GPC5: variants seen among roughly 807,000 people sequenced by gnomAD.
GPC5 encodes glypican-5.
In GPC5, 47 loss-of-function variants were observed where a neutral mutation model predicts 53.9. The observed-to-expected ratio is 0.87, with a 90% CI of 0.69 to 1.11. The LOEUF (loss-of-function observed/expected upper bound fraction) is 1.11, where lower values mean the gene tolerates loss of function less well. Ranked by LOEUF, GPC5 falls within the 50% of genes most tolerant of loss-of-function variation. GPC5 has a pLI of 0.00. For missense variants in GPC5, 748 were observed against 713.1 expected, an observed-to-expected ratio of 1.05 and a Z score of -0.56; for synonymous variants, 286 against 263.3, an observed-to-expected ratio of 1.09 and a Z score of -0.84.
Position 92,236,942 on chromosome 13 carries a change from A to G in GPC5, c.1561+91953A>G, listed in dbSNP as rs9301788. ...GCACTGTTTGGTTGTCATCTTATGC[A>G]TAATGTTATATAATTAGAGTGATAT... On this transcript the variant is annotated intron_variant, in intron 7 of 7. Coordinates refer to ENST00000377067, the MANE Select transcript of GPC5 (RefSeq NM_004466.6). Among the ~76,000 whole-genome samples the G allele has an allele frequency of 5.1e-3, 778 of 152,062 alleles. 10 individuals are homozygous for G. Among genetic ancestry groups the G allele is most frequent in the South Asian group, 0.039 (188 of 4,828 alleles).
chr13:92,828,171 C>G (rs2138817825), intron 7 of GPC5, among the ~76,000 whole-genome samples: 1 of 152,192 alleles, frequency 6.6e-6, no homozygotes, highest in Admixed American at 6.5e-5. Context: ...CCCCCCTCAC[C>G]CTATCTCCAA....
At chr13:92,793,722 A>T (rs529606041) in intron 7 of GPC5, among the ~76,000 whole-genome samples, 15 of 152,304 alleles carry the variant, frequency 9.8e-5, no homozygotes, top group Admixed American at 6.5e-4. Context: ...ATCCCACAGA[A>T]ATACAAACTA....
At chr13:92,862,341 A>G (rs1196622621) in intron 7 of GPC5, among the ~76,000 whole-genome samples, 1 of 152,146 alleles carries the variant, frequency 6.6e-6, no homozygotes, top group Non-Finnish European at 1.5e-5. Context: ...TTTGTAATAG[A>G]TATTTTTTGA....
At chr13:91,407,957 C>T (rs1240343560) in intron 1 of GPC5, among the ~76,000 whole-genome samples, 2 of 152,080 alleles carry the variant, frequency 1.3e-5, no homozygotes, top group Non-Finnish European at 2.9e-5. Context: ...TTACCACATA[C>T]AACATGATGG....
rs376203920 is a variant in GPC5, at chr13:92,603,424, T to C, written c.1562-262858T>C. On this transcript the variant is annotated intron_variant, in intron 7 of 7. Coordinates refer to ENST00000377067, the MANE Select transcript of GPC5 (RefSeq NM_004466.6). ...GAGGTTCTGAGCATTTTGTTTTGTT[T>C]TGGTTTGCTTTCACAAAAATTTACT... 7.9e-5 allele frequency among the ~76,000 whole-genome samples: 12 copies of C among 152,320 alleles called. No individual in the cohort carries two copies. In the South Asian group the frequency reaches 2.3e-3, roughly 29 times the overall value.
chr13:92,175,805 C>G (rs1359015636), intron 7 of GPC5, among the ~76,000 whole-genome samples: 1 of 152,050 alleles, frequency 6.6e-6, no homozygotes, highest in East Asian at 1.9e-4. Context: ...AAAAAAACAT[C>G]TCCCTACAGC....
intron 7 of GPC5, among the ~76,000 whole-genome samples, chr13:92,774,727 G>A (rs1250171807): frequency 1.3e-5 from 2 of 152,138 alleles, no homozygotes; most frequent in Non-Finnish European, 2.9e-5. Flanking sequence ...AAGACAAAAT[G>A]AACTTATGAA....
chr13:92,167,514 A>G (rs1402210695), intron 7 of GPC5, among the ~76,000 whole-genome samples: 1 of 152,230 alleles, frequency 6.6e-6, no homozygotes, highest in Non-Finnish European at 1.5e-5. Flanking sequence ...GTAACAATGT[A>G]TGAAGAGATA....
intron 7 of GPC5, among the ~76,000 whole-genome samples, chr13:92,157,758 T>C (rs974145197): frequency 3.9e-5 from 6 of 152,182 alleles, no homozygotes; most frequent in African/African-American, 1.4e-4. Context: ...TTTTGTGAAT[T>C]TATTCCCCTC....
At chr13:91,811,127 A>C (rs1286973153) in intron 5 of GPC5, among the ~76,000 whole-genome samples, 1 of 152,032 alleles carries the variant, frequency 6.6e-6, no homozygotes, top group Non-Finnish European at 1.5e-5. Context: ...TTACAATTTA[A>C]AAAATAGTCT....
intron 6 of GPC5, among the ~76,000 whole-genome samples, chr13:92,006,180 T>A (rs977128837): frequency 8.0e-6 from 1 of 124,806 alleles, no homozygotes; most frequent in African/African-American, 6.3e-5. Context: ...CAATATACAG[T>A]AAGTATTATC....
intron 6 of GPC5, among the ~76,000 whole-genome samples, chr13:91,985,995 T>C (rs2138725078): frequency 6.6e-6 from 1 of 152,022 alleles, no homozygotes; most frequent in African/African-American, 2.4e-5. Context: ...AGATGAAATT[T>C]ACTACACTAG....
intron 4 of GPC5, among the ~76,000 whole-genome samples, chr13:91,728,995 T>C (rs990202218): frequency 6.6e-6 from 1 of 152,190 alleles, no homozygotes; most frequent in African/African-American, 2.4e-5. Flanking sequence ...AAATTGTAAA[T>C]GTGGCTAGTG....
At chr13:92,465,285 A>G (rs1878646420) in intron 7 of GPC5, among the ~76,000 whole-genome samples, 1 of 151,946 alleles carries the variant, frequency 6.6e-6, no homozygotes, top group African/African-American at 2.4e-5. Context: ...CATTTTATGC[A>G]GCTATCCAAA....
intron 7 of GPC5, among the ~76,000 whole-genome samples, chr13:92,147,838 G>A (rs1184496192): frequency 1.3e-5 from 2 of 152,072 alleles, no homozygotes; most frequent in East Asian, 3.9e-4. Context: ...CTGAAGTAAA[G>A]AGGGACGAGG....
intron 7 of GPC5, among the ~76,000 whole-genome samples, chr13:92,463,529 A>ATGCCGTTTT (rs1878575752): frequency 6.6e-6 from 1 of 152,126 alleles, no homozygotes; most frequent in Non-Finnish European, 1.5e-5. Flanking sequence ...GGTTGCATGG[A>ATGCCGTTTT]ATTTTATTTC....
chr13:91,660,009 GAAA>G (rs1162160166), intron 2 of GPC5, among the ~76,000 whole-genome samples: 1 of 151,952 alleles, frequency 6.6e-6, no homozygotes, highest in African/African-American at 2.4e-5. Flanking sequence ...CTTAATAGAG[GAAA>G]AAAAGAAAGG....
intron 5 of GPC5, among the ~76,000 whole-genome samples, chr13:91,801,111 A>G (rs918403817): frequency 3.3e-5 from 5 of 152,154 alleles, no homozygotes; most frequent in East Asian, 3.8e-4. Context: ...GAAGATTTTC[A>G]TAGCCTAGTC....
intron 2 of GPC5, among the ~76,000 whole-genome samples, chr13:91,598,216 T>C (rs1408241339): frequency 2.0e-5 from 3 of 152,156 alleles, no homozygotes; most frequent in Non-Finnish European, 4.4e-5. Context: ...CTTCTAGTGC[T>C]TTTCAGAATT....
Sources: allele counts gnomAD v4.1 joint callset (sites outside exome capture counted in the v4.1 genomes callset), GRCh38; gene constraint gnomAD v4.1.1; transcripts MANE v1.5; gene names NCBI Gene and HGNC (gene_info 2026-07-23, HGNC 2026-07-21).